The following SETBP1 variants were observed in gnomAD, a reference collection of about 807,000 sequenced individuals.
SETBP1 encodes SET binding protein 1.
A neutral mutation model predicts 101.0 loss-of-function variants in SETBP1; 9 were observed. The observed-to-expected ratio is 0.09, with a 90% CI of 0.05 to 0.16. The LOEUF is 0.16. SETBP1 is among the 10% of genes least tolerant of loss of function. The probability of loss-of-function intolerance (pLI) is 1.00; values close to 1 mark genes in which losing one functional copy is unlikely to be tolerated. For synonymous variants in SETBP1, 818 were observed against 788.5 expected, an observed-to-expected ratio of 1.04 and a Z score of -0.63; for missense variants, 1,858 against 2,033.8, an observed-to-expected ratio of 0.91 and a Z score of 1.66.
intron 2 of SETBP1, among the ~76,000 whole-genome samples, chr18:44,772,882 A>C (rs2070907091): frequency 6.6e-6 from 1 of 152,164 alleles, no homozygotes; most frequent in South Asian, 2.1e-4. Flanking sequence ...ATTCCTCCTT[A>C]AGCGTCTTCT....
intron 3 of SETBP1, among the ~76,000 whole-genome samples, chr18:44,939,304 T>G (rs953278339): frequency 3.0e-5 from 4 of 132,206 alleles, no homozygotes. Flanking sequence ...ATAATAGATT[T>G]GTTTTGCCTG....
intron 2 of SETBP1, among the ~76,000 whole-genome samples, chr18:44,814,326 G>A (rs925928733): frequency 6.6e-6 from 1 of 152,196 alleles, no homozygotes; most frequent in Non-Finnish European, 1.5e-5. Context: ...TGCTGGGTGG[G>A]GTTAGGAGGA....
intron 2 of SETBP1, among the ~76,000 whole-genome samples, chr18:44,725,197 C>T (rs1204172981): frequency 6.6e-6 from 1 of 152,226 alleles, no homozygotes; most frequent in Non-Finnish European, 1.5e-5. Context: ...AGACTCCCAT[C>T]TTGATGCTGT....
intron 2 of SETBP1, among the ~76,000 whole-genome samples, chr18:44,803,088 A>G (rs915820261): frequency 3.9e-5 from 6 of 152,174 alleles, no homozygotes; most frequent in Admixed American, 2.0e-4. Context: ...GGGAGAGAAC[A>G]CACCATATAA....
In SETBP1 at chr18:45,024,076, C is replaced by T. The variant is rs1299001079; in HGVS notation, c.4001-14409C>T. On this transcript the variant is annotated intron_variant, in intron 4 of 5. Transcript: ENST00000649279. Reference sequence around the variant, plus strand: ...CTGACTAACGTATTTGGATTTTGATCCTTACACAGAATGCTTCTGTCTCCA... The same window carrying T: ...CTGACTAACGTATTTGGATTTTGATTCTTACACAGAATGCTTCTGTCTCCA... 2.6e-5 allele frequency among the ~76,000 whole-genome samples: 4 copies of T among 152,142 alleles called. No homozygotes were observed. The South Asian group carries it at 8.3e-4, about 32-fold the overall frequency.
chr18:44,810,910 A>G (rs990170693), intron 2 of SETBP1, among the ~76,000 whole-genome samples: 2 of 152,236 alleles, frequency 1.3e-5, no homozygotes, highest in African/African-American at 4.8e-5. Flanking sequence ...TTATATCCAC[A>G]TATGAACATA....
At chr18:45,001,559 C>G (rs2072619284) in intron 4 of SETBP1, among the ~76,000 whole-genome samples, 2 of 152,010 alleles carry the variant, frequency 1.3e-5, no homozygotes, top group African/African-American at 4.8e-5. Flanking sequence ...CTTAAACTTC[C>G]AATATTAGGG....
At chr18:44,936,286 G>A (rs1253934745) in intron 3 of SETBP1, among the ~76,000 whole-genome samples, 2 of 152,090 alleles carry the variant, frequency 1.3e-5, no homozygotes, top group East Asian at 1.9e-4. Context: ...CCGGGGCAGC[G>A]GGTCCTCGGC....
intron 2 of SETBP1, among the ~76,000 whole-genome samples, chr18:44,702,263 G>C (rs990165620): frequency 6.6e-6 from 1 of 152,124 alleles, no homozygotes; most frequent in Non-Finnish European, 1.5e-5. Flanking sequence ...AGGAAGGGTT[G>C]GTCTTGTTAT....
At chr18:45,008,284 G>A (rs2072770547) in intron 4 of SETBP1, among the ~76,000 whole-genome samples, 1 of 152,170 alleles carries the variant, frequency 6.6e-6, no homozygotes, top group South Asian at 2.1e-4. Flanking sequence ...AACTCACGGG[G>A]ATCCTGAGGG....
At chr18:44,750,530 C>G (rs577274569) in intron 2 of SETBP1, among the ~76,000 whole-genome samples, 1 of 152,144 alleles carries the variant, frequency 6.6e-6, no homozygotes. Flanking sequence ...AATTGGGAAC[C>G]AATTTAAATT....
At chr18:44,881,912 G>A (rs2069538342) in intron 3 of SETBP1, among the ~76,000 whole-genome samples, 1 of 152,186 alleles carries the variant, frequency 6.6e-6, no homozygotes, top group Non-Finnish European at 1.5e-5. Context: ...TTCTGATTAT[G>A]AATGAGCAAG....
chr18:44,913,732 G>A (rs1333545316), intron 3 of SETBP1, among the ~76,000 whole-genome samples: 1 of 152,212 alleles, frequency 6.6e-6, no homozygotes, highest in Non-Finnish European at 1.5e-5. Flanking sequence ...GCCTTGGGCA[G>A]CTCAGAGCTG....
At chr18:44,877,132 C>A (rs1480320059) in intron 3 of SETBP1, 13 of 995,428 alleles carry the variant, frequency 1.3e-5, no homozygotes, top group Non-Finnish European at 1.6e-5. Context: ...CCATGCTATA[C>A]AGAGTATGGG....
intron 2 of SETBP1, among the ~76,000 whole-genome samples, chr18:44,749,770 A>T (rs377344695): frequency 1.5e-4 from 23 of 152,354 alleles, no homozygotes; most frequent in African/African-American, 5.5e-4. Context: ...TAATCATGGG[A>T]TATGGTAGTA....
In SETBP1 at chr18:44,968,462, A is replaced by G. The variant is rs569702887; in HGVS notation, c.4000+15122A>G. On this transcript the variant is annotated intron_variant, in intron 4 of 5. Coordinates refer to ENST00000649279, the MANE Select transcript of SETBP1 (RefSeq NM_015559.3). The stretch of plus-strand genomic sequence containing the variant: ...CTGTACTTCAGTGGTAAATTCATCT[A>G]TGTGGACGACCTGGGGGGAAGCCAG... Among the ~76,000 whole-genome samples, 109 of 152,304 alleles carry G rather than the reference A, an allele frequency of 7.2e-4. 1 individual carries two copies. The highest frequency in any genetic ancestry group is 1.3e-3 in the Non-Finnish European group (90 of 68,024).
At chr18:44,941,762 G>GT (rs569097081) in intron 3 of SETBP1, among the ~76,000 whole-genome samples, 1,529 of 145,074 alleles carry the variant, frequency 0.011, 11 homozygotes, top group African/African-American at 0.026. Flanking sequence ...ACTCCAGTGA[G>GT]TTTTTTTTTT....
chr18:45,045,634 G>A (rs1366223799), intron 5 of SETBP1, among the ~76,000 whole-genome samples: 2 of 152,112 alleles, frequency 1.3e-5, no homozygotes, highest in Non-Finnish European at 2.9e-5. Flanking sequence ...TTGAATGCAT[G>A]TGTTCTGGCT....
intron 3 of SETBP1, among the ~76,000 whole-genome samples, chr18:44,934,443 C>T (rs1167294280): frequency 6.6e-6 from 1 of 152,204 alleles, no homozygotes; most frequent in Non-Finnish European, 1.5e-5. Context: ...GCCACTGTGC[C>T]CAGCCTGTTT....
Sources: allele counts gnomAD v4.1 joint callset (sites outside exome capture counted in the v4.1 genomes callset), GRCh38; gene constraint gnomAD v4.1.1; transcripts MANE v1.5; gene names NCBI Gene and HGNC (gene_info 2026-07-23, HGNC 2026-07-21).